PIK3CB: variants seen among roughly 807,000 people sequenced by gnomAD.
PIK3CB encodes phosphatidylinositol 4,5-bisphosphate 3-kinase catalytic subunit beta isoform.
PIK3CB carries 39 observed loss-of-function variants against 136.8 expected under a neutral mutation model. The observed-to-expected ratio is 0.29, with a 90% CI of 0.22 to 0.37. The LOEUF (loss-of-function observed/expected upper bound fraction) is 0.37, where lower values mean the gene tolerates loss of function less well. PIK3CB is among the 10% of genes least tolerant of loss of function. PIK3CB has a pLI of 1.00. For synonymous variants in PIK3CB, 428 were observed against 436.6 expected (o/e 0.98, Z 0.25); for missense variants, 868 against 1,275.4 (o/e 0.68, Z 4.87).
intron 7 of PIK3CB, among the ~76,000 whole-genome samples, chr3:138,734,198 T>C (rs2045052234): frequency 1.3e-5 from 2 of 152,174 alleles, no homozygotes; most frequent in Admixed American, 6.5e-5. Context: ...GCCCTTCATA[T>C]ATGTTTAGTA....
At chr3:138,728,359 T>G (rs1047240790) in intron 8 of PIK3CB, among the ~76,000 whole-genome samples, 4 of 152,166 alleles carry the variant, frequency 2.6e-5, no homozygotes, top group Admixed American at 2.6e-4. Flanking sequence ...ATTTTCCTTA[T>G]GAGCATAGAC....
chr3:138,732,546 A>C (rs1485663031), intron 8 of PIK3CB, among the ~76,000 whole-genome samples: 3 of 152,186 alleles, frequency 2.0e-5, no homozygotes, highest in African/African-American at 7.2e-5. Flanking sequence ...AATTAGGGAA[A>C]ATAAATGCTT....
chr3:138,716,534 G>A (rs368968890), intron 8 of PIK3CB, among the ~76,000 whole-genome samples: 2 of 152,256 alleles, frequency 1.3e-5, no homozygotes, highest in East Asian at 3.9e-4. Flanking sequence ...GTTGATTTAT[G>A]ATGTAACCTT....
intron 8 of PIK3CB, among the ~76,000 whole-genome samples, chr3:138,733,073 T>C (rs969733159): frequency 1.3e-5 from 2 of 150,752 alleles, no homozygotes. Context: ...CTATATTATA[T>C]ATTTCTTCTA....
intron 10 of PIK3CB, among the ~76,000 whole-genome samples, chr3:138,709,426 G>C (rs1216834656): frequency 6.6e-6 from 1 of 152,066 alleles, no homozygotes; most frequent in African/African-American, 2.4e-5. Flanking sequence ...TACACAGAAT[G>C]TGTCATTTTG....
At chr3:138,683,351 CAAAAAAAA>C (rs1011302197) in intron 18 of PIK3CB, among the ~76,000 whole-genome samples, 1 of 65,204 alleles carries the variant, frequency 1.5e-5, no homozygotes, top group Admixed American at 1.8e-4. Context: ...GACCCTGTCT[CAAAAAAAA>C]AAAAAAAAAA....
chr3:138,766,084 A>C (rs1321423147), intron 2 of PIK3CB, among the ~76,000 whole-genome samples: 1 of 152,222 alleles, frequency 6.6e-6, no homozygotes, highest in Non-Finnish European at 1.5e-5. Context: ...TGTCATGTGA[A>C]GAAGAGCATA....
At chr3:138,772,030 T>C (rs1476261131) in intron 2 of PIK3CB, among the ~76,000 whole-genome samples, 2 of 151,710 alleles carry the variant, frequency 1.3e-5, no homozygotes, top group Admixed American at 6.6e-5. Flanking sequence ...AAAAGTTTCA[T>C]GTATAAAGCA....
Position 138,802,239 on chromosome 3 carries a change from G to C in PIK3CB, c.-121-5672C>G, listed in dbSNP as rs1392318123. Among the ~76,000 whole-genome samples the C allele has an allele frequency of 2.0e-5, 3 of 150,064 alleles. No homozygotes were observed. In the South Asian group the frequency reaches 6.3e-4, roughly 31 times the overall value. On this transcript the variant is annotated intron_variant, in intron 1 of 23. Transcript: ENST00000674063. ...AAATACAAAAAAAAAAAAAATCCAG[G>C]CATGGTGGTGGGCGCCTATAATCCC...
chr3:138,760,516 GA>G (rs2045649115), intron 2 of PIK3CB, among the ~76,000 whole-genome samples: 1 of 152,140 alleles, frequency 6.6e-6, no homozygotes, highest in Admixed American at 6.5e-5. Flanking sequence ...CTTCCTTCAA[GA>G]AGATACAACA....
intron 8 of PIK3CB, among the ~76,000 whole-genome samples, chr3:138,720,811 T>C (rs2044709723): frequency 6.6e-6 from 1 of 151,960 alleles, no homozygotes. Context: ...TAGGTTGCAG[T>C]GAGCAGAGAT....
intron 1 of PIK3CB, chr3:138,796,771 CTTTAT>C (rs1446666936): frequency 6.6e-6 from 1 of 152,000 alleles, no homozygotes; most frequent in Non-Finnish European, 1.5e-5. Context: ...AATTAGTAGG[CTTTAT>C]ATATTCAGGA....
intron 1 of PIK3CB, among the ~76,000 whole-genome samples, chr3:138,828,954 A>ATTTTT (rs34176247): frequency 7.6e-6 from 1 of 130,830 alleles, no homozygotes; most frequent in African/African-American, 2.9e-5. Context: ...CACCAGGCTA[A>ATTTTT]TTTTTTTTTT....
At chr3:138,701,047 C>A (rs1390588308) in intron 12 of PIK3CB, among the ~76,000 whole-genome samples, 1 of 151,998 alleles carries the variant, frequency 6.6e-6, no homozygotes, top group Non-Finnish European at 1.5e-5. Flanking sequence ...GATATTGCCT[C>A]CTGATAAAAT....
intron 15 of PIK3CB, 129 bp downstream of exon 15, chr3:138,690,871 C>T: frequency 3.0e-6 from 2 of 661,348 alleles, no homozygotes; most frequent in South Asian, 5.5e-5. Flanking sequence ...GAGAAGGCAC[C>T]AAAACCATAT....
chr3:138,802,412 G>A (rs1163784336), intron 1 of PIK3CB, among the ~76,000 whole-genome samples: 3 of 151,366 alleles, frequency 2.0e-5, no homozygotes, highest in South Asian at 2.1e-4. Flanking sequence ...GAAAAGGGAA[G>A]GGGGAAAGTA....
intron 2 of PIK3CB, among the ~76,000 whole-genome samples, chr3:138,772,658 G>C (rs2045813471): frequency 6.8e-6 from 1 of 147,152 alleles, no homozygotes; most frequent in Admixed American, 6.8e-5. Context: ...TTTTACTAGA[G>C]ACAAGGTTTC....
At chr3:138,785,188 G>A (rs1331695090) in intron 2 of PIK3CB, among the ~76,000 whole-genome samples, 1 of 151,328 alleles carries the variant, frequency 6.6e-6, no homozygotes, top group Non-Finnish European at 1.5e-5. Flanking sequence ...CCGGGAGGGA[G>A]GTGGGGGGCA....
At chr3:138,697,825 C>T (rs1355991090) in intron 13 of PIK3CB, among the ~76,000 whole-genome samples, 2 of 152,120 alleles carry the variant, frequency 1.3e-5, no homozygotes, top group African/African-American at 4.8e-5. Flanking sequence ...CTCAACCTCC[C>T]AGATTCCAAC....
Sources: allele counts gnomAD v4.1 joint callset (sites outside exome capture counted in the v4.1 genomes callset), GRCh38; gene constraint gnomAD v4.1.1; transcripts MANE v1.5; gene names NCBI Gene and HGNC (gene_info 2026-07-23, HGNC 2026-07-21).